Variants in NOS1AP observed in about 807,000 individuals in gnomAD.
NOS1AP encodes the protein nitric oxide synthase 1 adaptor protein.
In NOS1AP, 21 loss-of-function variants were observed where a neutral mutation model predicts 56.2. The observed-to-expected ratio is 0.37, with a 90% confidence interval of 0.26 to 0.54. NOS1AP has a LOEUF of 0.54. NOS1AP is among the 20% of genes least tolerant of loss of function. NOS1AP has a pLI of 0.84. For synonymous variants in NOS1AP, 270 were observed against 274.6 expected (o/e 0.98, Z 0.17); for missense variants, 522 against 657.8 (o/e 0.79, Z 2.26).
At chr1:162,204,865 G>T (rs546196750) in intron 2 of NOS1AP, among the ~76,000 whole-genome samples, 1 of 152,236 alleles carries the variant, frequency 6.6e-6, no homozygotes, top group South Asian at 2.1e-4. Flanking sequence ...TGCTTGTGTG[G>T]GATGTGAATG....
intron 2 of NOS1AP, among the ~76,000 whole-genome samples, chr1:162,286,178 G>A (rs1011889652): frequency 6.6e-6 from 1 of 152,196 alleles, no homozygotes; most frequent in Admixed American, 6.5e-5. Context: ...AGTAGGCTAT[G>A]TTTTTATCTC....
intron 2 of NOS1AP, among the ~76,000 whole-genome samples, chr1:162,225,458 G>A (rs1364365612): frequency 6.6e-6 from 1 of 152,190 alleles, no homozygotes; most frequent in Non-Finnish European, 1.5e-5. Context: ...GGGTACAATA[G>A]TATCCACAGT....
chr1:162,365,040 G>A (rs1658022613), intron 8 of NOS1AP: 2 of 1,143,422 alleles, frequency 1.7e-6, no homozygotes, highest in Admixed American at 8.9e-5. Flanking sequence ...AGTTCTCTAA[G>A]CAGGGATGGA....
chr1:162,288,110 C>T (rs575146653), intron 3 of NOS1AP, among the ~76,000 whole-genome samples: 4 of 152,194 alleles, frequency 2.6e-5, no homozygotes, highest in Admixed American at 2.0e-4. Context: ...TGGCAGGTAA[C>T]ATTAACCCCT....
intron 6 of NOS1AP, among the ~76,000 whole-genome samples, chr1:162,346,358 TAA>T (rs1240481911): frequency 3.3e-5 from 5 of 152,212 alleles, no homozygotes; most frequent in Non-Finnish European, 5.9e-5. Flanking sequence ...TTAAGAAGAA[TAA>T]GTTAGTTCTC....
At chr1:162,321,918 A>T (rs1299154320) in intron 4 of NOS1AP, among the ~76,000 whole-genome samples, 1 of 99,190 alleles carries the variant, frequency 1.0e-5, no homozygotes, top group Admixed American at 9.7e-5. Flanking sequence ...GGGAAGAGGG[A>T]GAAGGGGGGA....
At chr1:162,219,684 GCCC>G (rs1199496263) in intron 2 of NOS1AP, among the ~76,000 whole-genome samples, 1 of 152,210 alleles carries the variant, frequency 6.6e-6, no homozygotes, top group East Asian at 1.9e-4. Context: ...AGGGAGAACA[GCCC>G]TGAAAACCTT....
intron 4 of NOS1AP, among the ~76,000 whole-genome samples, chr1:162,327,832 T>TTA (rs1324222576): frequency 6.6e-6 from 1 of 152,240 alleles, no homozygotes; most frequent in East Asian, 1.9e-4. Context: ...TTTAAGATAG[T>TTA]CACTGGCAAG....
intron 4 of NOS1AP, among the ~76,000 whole-genome samples, chr1:162,324,412 T>A (rs1656516450): frequency 7.4e-6 from 1 of 134,794 alleles, no homozygotes. Flanking sequence ...TGAGGGACAC[T>A]AGCCTTTTTT....
Position 162,101,589 on chromosome 1 carries a change from A to G in NOS1AP, c.105+31307A>G, listed in dbSNP as rs369356477. 2.0e-4 allele frequency among the ~76,000 whole-genome samples: 31 copies of G among 152,156 alleles called. No homozygotes were observed. The South Asian group carries it at 6.0e-3, about 29-fold the overall frequency. ...ATCCATGAGGATGGAATGTTTTTCC[A>G]TTTGTTTGTGTCCTCTCTGATTTCT... is the stretch of plus-strand genomic sequence containing the variant. On this transcript the variant is annotated intron_variant, in intron 1 of 9. Transcript: ENST00000361897.
chr1:162,288,609 T>C lies in NOS1AP; in HGVS notation c.270+1173T>C, dbSNP rs142225753. Among the ~76,000 whole-genome samples, 266 of 152,324 alleles carry C rather than the reference T, an allele frequency of 1.7e-3. 3 individuals carry two copies. Among genetic ancestry groups the C allele is most frequent in the African/African-American group, 6.2e-3 (259 of 41,568 alleles). On this transcript the variant is annotated intron_variant, in intron 3 of 9. Transcript: ENST00000361897. ...CTGTAGCAATGGGAAATTTACTACT[T>C]CCTGAGGCAGCCCCTTTCCTCTCTG... is the stretch of plus-strand genomic sequence containing the variant.
At chr1:162,221,528 ACG>A (rs61638740) in intron 2 of NOS1AP, among the ~76,000 whole-genome samples, 6,109 of 59,382 alleles carry the variant, frequency 0.1, 199 homozygotes, top group Middle Eastern at 0.2. Flanking sequence ...ACGCACACAC[ACG>A]CGCGCACACA....
intron 2 of NOS1AP, among the ~76,000 whole-genome samples, chr1:162,200,423 G>A (rs183641962): frequency 2.3e-4 from 35 of 152,204 alleles, no homozygotes; most frequent in African/African-American, 6.7e-4. Context: ...TGACTCCTTG[G>A]GCTGCAGGCT....
At chr1:162,136,838 T>C (rs1210494537) in intron 1 of NOS1AP, among the ~76,000 whole-genome samples, 3 of 152,158 alleles carry the variant, frequency 2.0e-5, no homozygotes, top group Non-Finnish European at 4.4e-5. Flanking sequence ...CCTCCTAGCT[T>C]TTCTGGGGTG....
intron 4 of NOS1AP, among the ~76,000 whole-genome samples, chr1:162,317,949 G>A (rs1191710226): frequency 2.0e-5 from 3 of 152,160 alleles, no homozygotes; most frequent in Non-Finnish European, 4.4e-5. Context: ...CTCTCGCAGG[G>A]AAAGGCTTAG....
chr1:162,151,546 G>T lies in NOS1AP; in HGVS notation c.106-2859G>T, dbSNP rs374213583. On this transcript the variant is annotated intron_variant, in intron 1 of 9. Coordinates refer to ENST00000361897, the MANE Select transcript of NOS1AP (RefSeq NM_014697.3). ...TTTTAGGATTGTTTTTTCTATTTTT[G>T]TGGAGGATGTCATTGGTATTTTGAT... Among the ~76,000 whole-genome samples, 29 of 152,158 alleles carry T rather than the reference G, an allele frequency of 1.9e-4. 1 individual carries two copies. The highest frequency in any genetic ancestry group is 6.0e-4 in the African/African-American group (25 of 41,524).
chr1:162,350,174 TTC>T (rs1657445153), intron 6 of NOS1AP, among the ~76,000 whole-genome samples: 1 of 152,240 alleles, frequency 6.6e-6, no homozygotes, highest in African/African-American at 2.4e-5. Flanking sequence ...ATGTTTATCT[TTC>T]CAGTGGAGCT....
intron 5 of NOS1AP, among the ~76,000 whole-genome samples, chr1:162,338,325 T>C (rs1657004153): frequency 6.6e-6 from 1 of 152,142 alleles, no homozygotes; most frequent in Non-Finnish European, 1.5e-5. Flanking sequence ...ACTTGAAAGA[T>C]GTGTGCCCCC....
intron 8 of NOS1AP, among the ~76,000 whole-genome samples, chr1:162,358,661 G>A (rs1189079966): frequency 6.6e-6 from 1 of 152,172 alleles, no homozygotes; most frequent in Non-Finnish European, 1.5e-5. Context: ...CAGTTGACAG[G>A]AGCACAAAGA....
Sources: allele counts gnomAD v4.1 joint callset (sites outside exome capture counted in the v4.1 genomes callset), GRCh38; gene constraint gnomAD v4.1.1; transcripts MANE v1.5; gene names NCBI Gene and HGNC (gene_info 2026-07-23, HGNC 2026-07-21).